Variants in FBXW11 observed in about 807,000 individuals in gnomAD.
The protein encoded by FBXW11 is F-box and WD repeat domain containing 11.
Under a neutral mutation model 77.6 loss-of-function variants are expected in FBXW11, and 19 were observed. That is an observed-to-expected ratio of 0.24 (90% CI 0.17 to 0.36). The LOEUF (loss-of-function observed/expected upper bound fraction) is 0.36. FBXW11 is among the 10% of genes least tolerant of loss of function. The probability of loss-of-function intolerance (pLI) is 1.00; values close to 1 mark genes in which losing one functional copy is unlikely to be tolerated. For synonymous variants in FBXW11, 235 were observed against 249.4 expected (o/e 0.94, Z 0.54); for missense variants, 334 against 704.2 (o/e 0.47, Z 5.95).
chr5:171,914,496 G>A (rs1328104813), intron 2 of FBXW11, 91 bp from the exon 3 acceptor site: 1 of 1,113,736 alleles, frequency 9.0e-7, no homozygotes, highest in Non-Finnish European at 1.3e-6. Context: ...CCAAACTAGA[G>A]TGTACCAATA....
chr5:171,947,784 G>T (rs1378179007), intron 2 of FBXW11, among the ~76,000 whole-genome samples: 1 of 152,098 alleles, frequency 6.6e-6, no homozygotes, highest in African/African-American at 2.4e-5. Flanking sequence ...GGAGTGGCTG[G>T]TGTGTGTCTG....
At chr5:171,936,953 T>G (rs1762512516) in intron 2 of FBXW11, among the ~76,000 whole-genome samples, 1 of 152,212 alleles carries the variant, frequency 6.6e-6, no homozygotes, top group Non-Finnish European at 1.5e-5. Flanking sequence ...TCAATCAATG[T>G]TATGGAACAA....
chr5:171,965,174 C>T (rs903598703), intron 1 of FBXW11, among the ~76,000 whole-genome samples: 11 of 152,206 alleles, frequency 7.2e-5, no homozygotes, highest in Non-Finnish European at 1.2e-4. Context: ...TTAAACACCA[C>T]TATAATTTTT....
chr5:171,919,658 C>A (rs1761460610), intron 2 of FBXW11, among the ~76,000 whole-genome samples: 1 of 152,132 alleles, frequency 6.6e-6, no homozygotes, highest in Admixed American at 6.6e-5. Context: ...TATGATAGCA[C>A]CTATATCCTG....
intron 2 of FBXW11, among the ~76,000 whole-genome samples, chr5:171,932,575 G>A (rs945144847): frequency 6.6e-6 from 1 of 152,142 alleles, no homozygotes; most frequent in Admixed American, 6.5e-5. Context: ...CATCACCAAA[G>A]TACAACACAT....
Position 171,876,506 on chromosome 5 carries a change from G to C in FBXW11, c.1000C>G (p.Leu334Val), listed in dbSNP as rs1467346881. 6.2e-7 allele frequency: 1 copy of C among 1,614,162 alleles called. No individual in the cohort carries two copies. Among genetic ancestry groups the C allele is most frequent in the Non-Finnish European group, 8.5e-7 (1 of 1,180,020 alleles). ...RVWDVNTGEVLNTLIHHNEAV... is the reference protein window; with the variant it reads ...RVWDVNTGEVVNTLIHHNEAV... ...TCATTGTGGTGGATCAATGTGTTAA[G>C]AACTTCACCCGTGTTCACATCCCAC... The change falls in exon 9 of 14, where the codon CTT becomes GTT. Residue 334 changes from leucine (L) to valine (V), a missense_variant. Leu to Val is a conservative substitution (Grantham distance 32). Transcript: ENST00000517395. This position sits in a 1 kb window ranked among gnomAD's most constrained non-coding sequence, Gnocchi z 4.2.
At chr5:171,950,774 C>CTATTCAGGAGGCTGGGG (rs1250534351) in intron 2 of FBXW11, among the ~76,000 whole-genome samples, 2 of 152,016 alleles carry the variant, frequency 1.3e-5, no homozygotes, top group African/African-American at 4.8e-5. Context: ...GTCGTCCCAC[C>CTATTCAGGAGGCTGGGG]TATTCAGGAG....
intron 8 of FBXW11, among the ~76,000 whole-genome samples, 156 bp downstream of exon 8, chr5:171,877,855 T>G (rs1357044037): frequency 6.6e-6 from 1 of 152,246 alleles, no homozygotes; most frequent in East Asian, 1.9e-4. Flanking sequence ...TTAGCTTTCC[T>G]GCCTAATTTG....
chr5:171,968,652 G>C (rs982069855), intron 1 of FBXW11, among the ~76,000 whole-genome samples: 1 of 152,054 alleles, frequency 6.6e-6, no homozygotes, highest in Non-Finnish European at 1.5e-5. Flanking sequence ...AGGTCTTCCA[G>C]GTGACAAAAC....
chr5:171,944,594 A>C (rs972587474), intron 2 of FBXW11, among the ~76,000 whole-genome samples: 2 of 150,280 alleles, frequency 1.3e-5, no homozygotes, highest in African/African-American at 4.9e-5. Flanking sequence ...AAAAAAAAAA[A>C]CAACTAAAAG....
chr5:171,905,235 T>G (rs1404580278), intron 4 of FBXW11, among the ~76,000 whole-genome samples: 2 of 152,218 alleles, frequency 1.3e-5, no homozygotes, highest in African/African-American at 4.8e-5. Context: ...GCTAGTTGTG[T>G]GACCTTAAGC....
intron 6 of FBXW11, among the ~76,000 whole-genome samples, chr5:171,894,066 G>T (rs1292961001): frequency 6.6e-6 from 1 of 152,004 alleles, no homozygotes; most frequent in Non-Finnish European, 1.5e-5. Flanking sequence ...TGGGTGATGT[G>T]GTTACAATCT....
chr5:171,947,114 G>A (rs548671319), intron 2 of FBXW11, among the ~76,000 whole-genome samples: 7 of 151,924 alleles, frequency 4.6e-5, no homozygotes, highest in Non-Finnish European at 8.8e-5. Context: ...GCACCTGGCC[G>A]TTTTACTCAT....
intron 1 of FBXW11, among the ~76,000 whole-genome samples, chr5:171,982,812 A>G (rs1474373939): frequency 1.3e-5 from 2 of 151,980 alleles, no homozygotes; most frequent in African/African-American, 4.8e-5. Flanking sequence ...CCCTCCTTTG[A>G]CCTGACCCGA....
chr5:171,891,211 A>G (rs530543611), intron 7 of FBXW11, among the ~76,000 whole-genome samples: 24 of 152,214 alleles, frequency 1.6e-4, no homozygotes, highest in African/African-American at 5.5e-4. Context: ...ATACTGGGAT[A>G]TTTTCTATTT....
At chr5:171,882,691 G>C (rs796066896) in intron 7 of FBXW11, among the ~76,000 whole-genome samples, 28 of 77,712 alleles carry the variant, frequency 3.6e-4, no homozygotes, top group African/African-American at 8.6e-4. Context: ...AAAGTATTTA[G>C]GAATTTTTCC....
At chr5:171,972,502 TAAAAAAAAAA>T (rs70982360) in intron 1 of FBXW11, among the ~76,000 whole-genome samples, 6 of 48,222 alleles carry the variant, frequency 1.2e-4, no homozygotes, top group South Asian at 1.6e-3. Context: ...CTCTGTCTCA[TAAAAAAAAAA>T]AAAAAAAAAA....
At chr5:171,957,799 G>T in intron 1 of FBXW11, 101 bp from the exon 2 acceptor site, 1 of 961,252 alleles carries the variant, frequency 1.0e-6, no homozygotes, top group South Asian at 1.3e-5. Context: ...GGCAGGGGGT[G>T]CACCCTTGGC....
At chr5:171,910,521 G>C (rs767423139) in intron 4 of FBXW11, 51 bp downstream of exon 4, 4 of 1,336,702 alleles carry the variant, frequency 3.0e-6, no homozygotes, top group Non-Finnish European at 3.2e-6. Flanking sequence ...CTAGGTCCTT[G>C]GGCCGGGCAT....
Sources: gnomAD v4.1 joint callset for allele counts (sites outside exome capture counted in the v4.1 genomes callset) on GRCh38, gnomAD v4.1.1 for gene constraint, Gnocchi (gnomAD v3.1) non-coding constraint, MANE v1.5 for transcripts, NCBI Gene and HGNC (gene_info 2026-07-23, HGNC 2026-07-21) for gene names.